TAFA5: variants seen among roughly 807,000 people sequenced by gnomAD.
The protein encoded by TAFA5 is chemokine-like protein TAFA-5.
A neutral mutation model predicts 15.3 loss-of-function variants in TAFA5; 6 were observed. The ratio of observed to expected loss-of-function variants is 0.39; its 90% confidence interval spans 0.21 to 0.77. The LOEUF is 0.77. Among genes scored for constraint, TAFA5 ranks in the 30% least tolerant of loss-of-function variants. TAFA5 has a pLI of 0.41. For synonymous variants in TAFA5, 103 were observed against 80.7 expected (o/e 1.28, Z -1.48); for missense variants, 161 against 193.1 (o/e 0.83, Z 0.98).
rs181347999 is a variant in TAFA5, at chr22:48,612,196, C to T, written c.113-34401C>T. On this transcript the variant is annotated intron_variant, in intron 1 of 3. Transcript: ENST00000402357. The stretch of plus-strand genomic sequence containing the variant: ...GCTCATCCCCTGGCCGCCCACTGGG[C>T]CTCATGCTTTTCCATTTGTAATCCT... 1.1e-4 allele frequency among the ~76,000 whole-genome samples: 17 copies of T among 152,266 alleles called. No homozygotes were observed. In the East Asian group the frequency reaches 1.9e-3, roughly 17 times the overall value.
intron 1 of TAFA5, among the ~76,000 whole-genome samples, chr22:48,602,999 C>T (rs924820772): frequency 4.6e-5 from 7 of 152,206 alleles, no homozygotes; most frequent in African/African-American, 1.7e-4. Flanking sequence ...GTTCTATCCA[C>T]AGCCCCAGTG....
intron 1 of TAFA5, among the ~76,000 whole-genome samples, chr22:48,615,509 C>T (rs989259244): frequency 6.6e-6 from 1 of 152,216 alleles, no homozygotes; most frequent in Non-Finnish European, 1.5e-5. Flanking sequence ...GCTCCCTGTG[C>T]CTGACTTTCA....
intron 1 of TAFA5, among the ~76,000 whole-genome samples, chr22:48,578,618 A>G (rs1439269425): frequency 6.6e-6 from 1 of 152,214 alleles, no homozygotes; most frequent in African/African-American, 2.4e-5. Context: ...CGCTGAGGGC[A>G]CAGGTACCTT....
chr22:48,631,739 A>G (rs1368201901), intron 1 of TAFA5, among the ~76,000 whole-genome samples: 1 of 152,100 alleles, frequency 6.6e-6, no homozygotes, highest in Non-Finnish European at 1.5e-5. Context: ...ACTTAGGGGG[A>G]AATCTGACGC....
At chr22:48,718,314 G>A (rs542996347) in intron 3 of TAFA5, among the ~76,000 whole-genome samples, 1 of 152,310 alleles carries the variant, frequency 6.6e-6, no homozygotes, top group East Asian at 1.9e-4. Context: ...GGAGGAAGAA[G>A]GGGGATGCTG....
At chr22:48,587,312 C>T (rs1343236760) in intron 1 of TAFA5, among the ~76,000 whole-genome samples, 1 of 152,160 alleles carries the variant, frequency 6.6e-6, no homozygotes, top group Non-Finnish European at 1.5e-5. Context: ...GCAGAGGGTC[C>T]TGGACTGCAG....
At chr22:48,632,236 A>G (rs888689737) in intron 1 of TAFA5, among the ~76,000 whole-genome samples, 7 of 152,052 alleles carry the variant, frequency 4.6e-5, no homozygotes, top group African/African-American at 1.4e-4. Context: ...CCTCCCACCT[A>G]CCATGGGCCT....
At chr22:48,623,866 A>G (rs1177740107) in intron 1 of TAFA5, among the ~76,000 whole-genome samples, 1 of 152,242 alleles carries the variant, frequency 6.6e-6, no homozygotes, top group Non-Finnish European at 1.5e-5. Context: ...CCCATATACT[A>G]TGCACCTACT....
chr22:48,574,578 A>G (rs534412931), intron 1 of TAFA5, among the ~76,000 whole-genome samples: 1 of 152,242 alleles, frequency 6.6e-6, no homozygotes, highest in South Asian at 2.1e-4. Flanking sequence ...TGCAAGGAGG[A>G]GACAGCCTTC....
chr22:48,636,056 C>T lies in TAFA5; in HGVS notation c.113-10541C>T, dbSNP rs527481341. Among the ~76,000 whole-genome samples the T allele has an allele frequency of 3.8e-3, 584 of 152,344 alleles. 4 individuals carry two copies. The highest frequency in any genetic ancestry group is 0.013 in the African/African-American group (540 of 41,586). On this transcript the variant is annotated intron_variant, in intron 1 of 3. Coordinates refer to ENST00000402357, the MANE Select transcript of TAFA5 (RefSeq NM_001082967.3). Reference sequence around the variant, plus strand: ...TGCAGGTGCACAGGCAGTGGCCAGACGGCCAGGCCGCAGGCAGTTGCTCCC... The same window carrying T: ...TGCAGGTGCACAGGCAGTGGCCAGATGGCCAGGCCGCAGGCAGTTGCTCCC...
intron 1 of TAFA5, among the ~76,000 whole-genome samples, chr22:48,511,457 A>G (rs1049378641): frequency 2.6e-5 from 4 of 152,142 alleles, no homozygotes; most frequent in African/African-American, 9.7e-5. Flanking sequence ...GGCTGCTTAT[A>G]AGGACAGGAG....
At chr22:48,548,441 A>G (rs911092832) in intron 1 of TAFA5, among the ~76,000 whole-genome samples, 8 of 152,178 alleles carry the variant, frequency 5.3e-5, no homozygotes, top group Non-Finnish European at 1.2e-4. Context: ...CTGTCTCTGG[A>G]ACAAACCAGA....
At chr22:48,520,889 AG>A (rs1302353234) in intron 1 of TAFA5, among the ~76,000 whole-genome samples, 1 of 151,270 alleles carries the variant, frequency 6.6e-6, no homozygotes, top group East Asian at 1.9e-4. Flanking sequence ...GGCCAGGGCC[AG>A]GGGGGGTCGC....
At chr22:48,688,444 G>A (rs898433177) in intron 2 of TAFA5, among the ~76,000 whole-genome samples, 17 of 152,184 alleles carry the variant, frequency 1.1e-4, no homozygotes, top group African/African-American at 1.9e-4. Flanking sequence ...ACCAGAGCAC[G>A]CTGCCCTTTT....
At chr22:48,633,108 G>C (rs914302935) in intron 1 of TAFA5, among the ~76,000 whole-genome samples, 4 of 152,114 alleles carry the variant, frequency 2.6e-5, no homozygotes, top group Admixed American at 2.6e-4. Flanking sequence ...GGACCACAGG[G>C]TCTCCCAGCA....
chr22:48,537,368 C>T (rs1317303856), intron 1 of TAFA5, among the ~76,000 whole-genome samples: 1 of 152,218 alleles, frequency 6.6e-6, no homozygotes, highest in Non-Finnish European at 1.5e-5. Flanking sequence ...CTCAGGGTGG[C>T]GTTCCCCACT....
At chr22:48,706,971 C>G (rs130136) in intron 2 of TAFA5, among the ~76,000 whole-genome samples, 1 of 152,012 alleles carries the variant, frequency 6.6e-6, no homozygotes, top group Non-Finnish European at 1.5e-5. Flanking sequence ...GCAATTCTCT[C>G]TGGCATGGGA....
At chr22:48,619,271 G>C (rs530569680) in intron 1 of TAFA5, among the ~76,000 whole-genome samples, 1 of 152,152 alleles carries the variant, frequency 6.6e-6, no homozygotes, top group African/African-American at 2.4e-5. Context: ...CTGTCCATGC[G>C]GGAAGGAGCC....
intron 2 of TAFA5, among the ~76,000 whole-genome samples, chr22:48,702,355 C>T (rs1176620077): frequency 6.6e-6 from 1 of 151,958 alleles, no homozygotes; most frequent in African/African-American, 2.4e-5. Flanking sequence ...GCTGTGGGGT[C>T]CTACAGAGGC....
Sources: gnomAD v4.1 joint callset for allele counts (sites outside exome capture counted in the v4.1 genomes callset) on GRCh38, gnomAD v4.1.1 for gene constraint, MANE v1.5 for transcripts, NCBI Gene and HGNC (gene_info 2026-07-23, HGNC 2026-07-21) for gene names.